Variants in BBX observed in about 807,000 individuals in gnomAD.
The protein encoded by BBX is BBX high mobility group box domain containing.
In BBX, 30 loss-of-function variants were observed where a neutral mutation model predicts 100.2. The observed-to-expected ratio is 0.30, with a 90% CI of 0.22 to 0.41. BBX has a LOEUF of 0.41. Ranked by LOEUF, BBX falls within the 10% of genes least tolerant of loss-of-function variation. The pLI is 1.00. For synonymous variants in BBX, 376 were observed against 388.1 expected (o/e 0.97, Z 0.37); for missense variants, 1,023 against 1,129.8 (o/e 0.91, Z 1.35).
chr3:107,557,555 T>C (rs1371741058), intron 2 of BBX, among the ~76,000 whole-genome samples: 3 of 152,264 alleles, frequency 2.0e-5, no homozygotes, highest in Non-Finnish European at 4.4e-5. Context: ...AAGGTCTTAC[T>C]CATATACATG....
chr3:107,687,222 G>A (rs923814562), intron 3 of BBX, among the ~76,000 whole-genome samples: 14 of 151,952 alleles, frequency 9.2e-5, no homozygotes, highest in Non-Finnish European at 1.6e-4. Context: ...AGAATCCAGC[G>A]TTAATTAATA....
chr3:107,531,328 G>A (rs1258949488), intron 2 of BBX, among the ~76,000 whole-genome samples: 2 of 152,144 alleles, frequency 1.3e-5, no homozygotes, highest in African/African-American at 4.8e-5. Flanking sequence ...TTCCACTCCT[G>A]CTGCCTCTAT....
chr3:107,535,947 G>A lies in BBX; in HGVS notation c.-84+9549G>A, dbSNP rs577027555. ...TAATCAGTGAATATATTTTACTAAA[G>A]GAATTAACAGTATAACATGCATAAT... On this transcript the variant is annotated intron_variant, in intron 2 of 17. Transcript: ENST00000325805. 2.6e-5 allele frequency among the ~76,000 whole-genome samples: 4 copies of A among 152,284 alleles called. No individual in the cohort carries two copies. The South Asian group carries it at 6.2e-4, about 24-fold the overall frequency.
chr3:107,760,874 G>A (rs568741227), intron 10 of BBX, among the ~76,000 whole-genome samples: 1 of 152,246 alleles, frequency 6.6e-6, no homozygotes, highest in Non-Finnish European at 1.5e-5. Flanking sequence ...AATATTTGAA[G>A]ATTAAAACTT....
chr3:107,699,858 T>A (rs1252939635), intron 3 of BBX, among the ~76,000 whole-genome samples: 1 of 151,906 alleles, frequency 6.6e-6, no homozygotes. Context: ...ATGTGAGTCA[T>A]AGTGAGGTAG....
rs766694484 is a variant in BBX at position 107,810,546 on chromosome 3, C to T, written c.*5089C>T. 1 of 152,192 alleles carries T rather than the reference C, an allele frequency of 6.6e-6. No homozygotes were observed. Among genetic ancestry groups the T allele is most frequent in the South Asian group, 2.1e-4 (1 of 4,832 alleles). 9.4% of individuals were successfully genotyped at this position (152,192 alleles called of 1,614,324 possible). On this transcript the variant is annotated 3_prime_UTR_variant, in exon 18 of 18. Coordinates refer to ENST00000325805, the MANE Select transcript of BBX (RefSeq NM_001142568.3). Reference sequence around the variant, plus strand: ...CTCTAACCTAAATCACAGAGACATGCATGTTTCATGCATTAACACTGATTT... The same window carrying T: ...CTCTAACCTAAATCACAGAGACATGTATGTTTCATGCATTAACACTGATTT...
intron 2 of BBX, among the ~76,000 whole-genome samples, chr3:107,539,610 A>C (rs1302606563): frequency 6.6e-6 from 1 of 152,228 alleles, no homozygotes; most frequent in Non-Finnish European, 1.5e-5. Context: ...TATTCCCCTC[A>C]GTATAAGAAT....
intron 2 of BBX, among the ~76,000 whole-genome samples, chr3:107,532,890 A>G (rs2048260755): frequency 6.6e-6 from 1 of 152,190 alleles, no homozygotes; most frequent in Non-Finnish European, 1.5e-5. Flanking sequence ...TAAGCTCTCT[A>G]TATTTTGAAA....
chr3:107,683,181 C>T (rs1036164714), intron 3 of BBX, among the ~76,000 whole-genome samples: 1 of 152,070 alleles, frequency 6.6e-6, no homozygotes, highest in African/African-American at 2.4e-5. Context: ...ACTGTAAATG[C>T]ATTTAATGGA....
At chr3:107,701,200 A>G (rs1218422193) in intron 3 of BBX, among the ~76,000 whole-genome samples, 1 of 152,162 alleles carries the variant, frequency 6.6e-6, no homozygotes, top group Non-Finnish European at 1.5e-5. Context: ...AGTGATGATG[A>G]GCATTTTTTC....
intron 2 of BBX, among the ~76,000 whole-genome samples, chr3:107,637,339 G>A (rs999120918): frequency 6.6e-6 from 1 of 152,212 alleles, no homozygotes; most frequent in Non-Finnish European, 1.5e-5. Context: ...TAAAAACTTA[G>A]GCCCTGGTTT....
At chr3:107,672,359 A>C (rs1423713275) in intron 3 of BBX, among the ~76,000 whole-genome samples, 2 of 152,176 alleles carry the variant, frequency 1.3e-5, no homozygotes, top group African/African-American at 4.8e-5. Flanking sequence ...CCTGTGATAC[A>C]AAGTGATATT....
Position 107,565,393 on chromosome 3 carries a change from A to G in BBX, c.-84+38995A>G, listed in dbSNP as rs1002836848. On this transcript the variant is annotated intron_variant, in intron 2 of 17. Transcript: ENST00000325805. ...ATCCTTATTTGTACATATTTTTTAC[A>G]TATTTTAATTAGTCTAATATTTATT... 2.0e-5 allele frequency among the ~76,000 whole-genome samples: 3 copies of G among 150,956 alleles called. No individual in the cohort carries two copies. In the South Asian group the frequency reaches 6.2e-4, roughly 31 times the overall value.
chr3:107,647,806 C>T lies in BBX; in HGVS notation c.-10+1897C>T, dbSNP rs372533860. 4.6e-5 allele frequency among the ~76,000 whole-genome samples: 7 copies of T among 152,266 alleles called. No homozygotes were observed. In the East Asian group the frequency reaches 1.2e-3, roughly 25 times the overall value. ...TATGTTCATGTCCCTGATTAGTCTC[C>T]TGCCACTCCGCTCCGTGTCCTCTTC... On this transcript the variant is annotated intron_variant, in intron 3 of 17. Coordinates refer to ENST00000325805, the MANE Select transcript of BBX (RefSeq NM_001142568.3).
At chr3:107,709,777 G>A (rs1032035820) in intron 3 of BBX, among the ~76,000 whole-genome samples, 8 of 152,210 alleles carry the variant, frequency 5.3e-5, no homozygotes, top group Non-Finnish European at 1.2e-4. Flanking sequence ...TTATCATGGA[G>A]AAGAACTTTT....
chr3:107,540,875 C>T (rs980712040), intron 2 of BBX, among the ~76,000 whole-genome samples: 2 of 151,992 alleles, frequency 1.3e-5, no homozygotes, highest in Admixed American at 1.3e-4. Context: ...TGTATTCACT[C>T]CTCTTTTTGG....
chr3:107,651,639 A>G (rs2057844640), intron 3 of BBX, among the ~76,000 whole-genome samples: 2 of 152,208 alleles, frequency 1.3e-5, no homozygotes, highest in South Asian at 2.1e-4. Context: ...CAAACAAGGA[A>G]ATGGCATATA....
At chr3:107,574,389 C>T (rs541119082) in intron 2 of BBX, among the ~76,000 whole-genome samples, 60 of 152,056 alleles carry the variant, frequency 3.9e-4, no homozygotes, top group Admixed American at 6.6e-4. Flanking sequence ...TGCAATTTAG[C>T]GACTTTAGGT....
intron 13 of BBX, among the ~76,000 whole-genome samples, chr3:107,782,554 T>C (rs1405007001): frequency 6.6e-6 from 1 of 152,058 alleles, no homozygotes; most frequent in Non-Finnish European, 1.5e-5. Context: ...GAAAGTATCG[T>C]GCTAGGCTCA....
Sources: gnomAD v4.1 joint callset for allele counts (sites outside exome capture counted in the v4.1 genomes callset) on GRCh38, gnomAD v4.1.1 for gene constraint, MANE v1.5 for transcripts, NCBI Gene and HGNC (gene_info 2026-07-23, HGNC 2026-07-21) for gene names.